The following VWF variants were observed in gnomAD, a reference collection of about 807,000 sequenced individuals.
VWF encodes the protein Factor VIII related antigen.
A neutral mutation model predicts 308.6 loss-of-function variants in VWF; 176 were observed. That is an observed-to-expected ratio of 0.57 (90% CI 0.50 to 0.65). The LOEUF (loss-of-function observed/expected upper bound fraction) is 0.65. VWF is among the 30% of genes least tolerant of loss of function. The pLI is 0.00. For synonymous variants in VWF, 1,385 were observed against 1,443.4 expected (o/e 0.96, Z 0.92); for missense variants, 3,146 against 3,648.2 (o/e 0.86, Z 3.55).
At chr12:5,964,458 A>G (rs1353870800) in intron 47 of VWF, among the ~76,000 whole-genome samples, 4 of 152,230 alleles carry the variant, frequency 2.6e-5, no homozygotes, top group Admixed American at 2.6e-4. Flanking sequence ...AATTTTTTAA[A>G]GAATCAATTT....
chr12:6,045,157 T>C (rs533692369), intron 17 of VWF, among the ~76,000 whole-genome samples: 1 of 152,320 alleles, frequency 6.6e-6, no homozygotes, highest in South Asian at 2.1e-4. Flanking sequence ...ATATCCTACT[T>C]CGTGGCAATT....
rs1482723392 is a variant in VWF at position 5,990,897 on chromosome 12, AAAAAAAAAAAAT to A, written c.6798+910_6798+921del. 7.2e-3 allele frequency among the ~76,000 whole-genome samples: 281 copies of A among 39,132 alleles called. 24 individuals are homozygous for A. Among genetic ancestry groups the A allele is most frequent in the African/African-American group, 0.018 (264 of 14,956 alleles). 25.7% of individuals were successfully genotyped at this position (39,132 alleles called of 152,430 possible). A position where few individuals can be genotyped will look rare whatever the true frequency, so the allele number is the denominator to read the frequency against. ...AAAAAAAAAAAAAAAAAAAAAAAAA[AAAAAAAAAAAAT>A]TTTGATGACTCAGTGACTCCCAAGC... On this transcript the variant is annotated intron_variant, in intron 38 of 51. Transcript: ENST00000261405.
chr12:5,975,188 G>A (rs866861300), intron 43 of VWF, among the ~76,000 whole-genome samples: 1 of 152,154 alleles, frequency 6.6e-6, no homozygotes, highest in Non-Finnish European at 1.5e-5. Flanking sequence ...CCTGGGTTTC[G>A]GGATTTGCCC....
intron 38 of VWF, among the ~76,000 whole-genome samples, chr12:5,987,090 G>A (rs216876): frequency 0.83 from 126,131 of 152,098 alleles, 52,904 homozygotes; most frequent in East Asian, 0.92. Flanking sequence ...ACCATACCCA[G>A]CTAATTTTTG....
chr12:6,120,987 C>G (rs1173385072), intron 3 of VWF, among the ~76,000 whole-genome samples, 187 bp downstream of exon 3: 2 of 152,212 alleles, frequency 1.3e-5, no homozygotes, highest in African/African-American at 4.8e-5. Flanking sequence ...CCACCCGGCT[C>G]CCGTGGGGAG....
rs1428093142 is a variant in VWF at position 6,052,597 on chromosome 12, T to A, written c.2132A>T (p.Tyr711Phe). 1 of 1,614,138 alleles carries A rather than the reference T, an allele frequency of 6.2e-7. No individual in the cohort carries two copies. Among genetic ancestry groups the A allele is most frequent in the African/African-American group, 1.3e-5 (1 of 74,952 alleles). ...CVPKAQCPCY[Y>F]DGEIFQPEDI... ...TTCTGGCTGGAAGATCTCACCGTCA[T>A]AGTAACAGGGGCACTGGGCCTTGGG... Residue 711 changes from tyrosine to phenylalanine, a missense_variant, in exon 16 of 52, where the codon TAT (tyrosine) becomes TTT (phenylalanine). Tyr to Phe is a conservative substitution (Grantham distance 22, BLOSUM62 3). Around this residue, in one of 3 missense-constraint regions of VWF, gnomAD observed 1,304 missense variants for 1,353.0 expected, o/e 0.96. Transcript: ENST00000261405.
intron 13 of VWF, among the ~76,000 whole-genome samples, chr12:6,061,520 A>G (rs1944654910): frequency 6.6e-6 from 1 of 151,312 alleles, no homozygotes; most frequent in South Asian, 2.1e-4. Context: ...CAGGAGCTCT[A>G]AGACAGGAGA....
At chr12:6,047,199 G>C (rs1363765694) in intron 16 of VWF, among the ~76,000 whole-genome samples, 4 of 151,908 alleles carry the variant, frequency 2.6e-5, no homozygotes, top group Non-Finnish European at 5.9e-5. Context: ...TCCTAGGCTC[G>C]CTCCTCTTCT....
At chr12:6,065,388 C>T in intron 10 of VWF, 115 bp from the exon 11 acceptor site, 1 of 1,368,206 alleles carries the variant, frequency 7.3e-7, no homozygotes, top group Non-Finnish European at 1.0e-6. Context: ...GCATGGACGT[C>T]CTTTGCCCAA....
At chr12:6,105,752 T>C (rs1259572101) in intron 5 of VWF, among the ~76,000 whole-genome samples, 1 of 151,984 alleles carries the variant, frequency 6.6e-6, no homozygotes, top group Admixed American at 6.6e-5. Context: ...CTCAAAAGAA[T>C]TGAGCCGGAC....
chr12:5,978,472 C>T (rs1286342107), intron 42 of VWF, among the ~76,000 whole-genome samples: 1 of 152,152 alleles, frequency 6.6e-6, no homozygotes, highest in Non-Finnish European at 1.5e-5. Flanking sequence ...ACCATGTTGG[C>T]CAGCTGGTCT....
chr12:6,120,049 G>C (rs1219669055), intron 3 of VWF, among the ~76,000 whole-genome samples: 2 of 152,156 alleles, frequency 1.3e-5, no homozygotes, highest in African/African-American at 2.4e-5. Context: ...CAGGGAGAAA[G>C]CAGGAATGCG....
intron 3 of VWF, among the ~76,000 whole-genome samples, chr12:6,116,983 C>T (rs373809572): frequency 9.9e-5 from 15 of 152,276 alleles, no homozygotes; most frequent in African/African-American, 3.6e-4. Flanking sequence ...GTGCCCCTGG[C>T]TGCCCTGATG....
chr12:6,084,228 A>G (rs546142004), intron 6 of VWF, among the ~76,000 whole-genome samples: 1 of 152,324 alleles, frequency 6.6e-6, no homozygotes, highest in Non-Finnish European at 1.5e-5. Context: ...TTTGCCTGCA[A>G]TCGGTACTGG....
At position 6,063,398 on chromosome 12, in the gene VWF, G is replaced by A. The variant is rs961979070; in HGVS notation, c.1433-344C>T. Among the ~76,000 whole-genome samples the A allele has an allele frequency of 1.3e-5, 2 of 152,262 alleles. No homozygotes were observed. The highest frequency in any genetic ancestry group is 2.9e-5 in the Non-Finnish European group (2 of 68,020). On this transcript the variant is annotated intron_variant, in intron 12 of 51. Coordinates refer to ENST00000261405, the MANE Select transcript of VWF (RefSeq NM_000552.5). This position sits in a 1 kb window ranked among gnomAD's most constrained non-coding sequence, Gnocchi z 4.9. The stretch of plus-strand genomic sequence containing the variant: ...GGGATCTCTTTAGCATTGACACCAC[G>A]ACATCTGAATGTGCCTGGGACACTC...
chr12:6,085,529 G>A (rs943623283), intron 6 of VWF, among the ~76,000 whole-genome samples: 4 of 152,168 alleles, frequency 2.6e-5, no homozygotes, highest in Non-Finnish European at 4.4e-5. Flanking sequence ...GAACCCACCT[G>A]AGAAATAGTT....
At position 6,012,147 on chromosome 12, in the gene VWF, T is replaced by C. The variant is rs1944003667; in HGVS notation, c.5621-17A>G. The C allele has an allele frequency of 1.9e-6, 3 of 1,613,760 alleles. No individual in the cohort carries two copies. Among genetic ancestry groups the C allele is most frequent in the Non-Finnish European group, 2.5e-6 (3 of 1,179,794 alleles). ...TAACAAATCCTGCAACAGACACAAA[T>C]AAGACCTTAGTTCCCATCTTTCACC... On this transcript the variant is annotated splice_polypyrimidine_tract_variant and intron_variant, in intron 32 of 51. Transcript: ENST00000261405.
intron 32 of VWF, among the ~76,000 whole-genome samples, 174 bp downstream of exon 32, chr12:6,013,307 T>G (rs1224831568): frequency 6.6e-6 from 1 of 152,244 alleles, no homozygotes; most frequent in Non-Finnish European, 1.5e-5. Context: ...GCTTGTGGTA[T>G]ACACCTCCCA....
In VWF at chr12:6,123,183, C is replaced by A. The variant is rs1945449700; in HGVS notation, c.14G>T (p.Arg5Ile). 6.2e-7 allele frequency: 1 copy of A among 1,614,230 alleles called. No individual in the cohort carries two copies. The highest frequency in any genetic ancestry group is 8.5e-7 in the Non-Finnish European group (1 of 1,180,052). The stretch of plus-strand genomic sequence containing the variant: ...CAGAGCAAGCAGCACCCCGGCAAAT[C>A]TGGCAGGAATCATCTGCAAAGAAGC... MIPA[R>I]FAGVLLALAL... Residue 5 changes from arginine (R) to isoleucine (I), a missense_variant, in exon 2 of 52, where the codon AGA becomes ATA. Around this residue, in one of 3 missense-constraint regions of VWF, gnomAD observed 1,304 missense variants for 1,353.0 expected, o/e 0.96. Transcript: ENST00000261405.
Sources: gnomAD v4.1 joint callset for allele counts (sites outside exome capture counted in the v4.1 genomes callset) on GRCh38, gnomAD v4.1.1 for gene constraint, gnomAD v4.1.1 regional missense constraint, Gnocchi (gnomAD v3.1) non-coding constraint, MANE v1.5 for transcripts, NCBI Gene and HGNC (gene_info 2026-07-23, HGNC 2026-07-21) for gene names.